Variants in SIPA1L1 observed in about 807,000 individuals in gnomAD.
SIPA1L1 encodes signal-induced proliferation-associated 1-like protein 1.
A neutral mutation model predicts 162.7 loss-of-function variants in SIPA1L1; 26 were observed. That is an observed-to-expected ratio of 0.16 (90% CI 0.12 to 0.22). The LOEUF (loss-of-function observed/expected upper bound fraction) is 0.22, where lower values mean the gene tolerates loss of function less well. Among genes scored for constraint, SIPA1L1 ranks in the 10% least tolerant of loss-of-function variants. The probability of loss-of-function intolerance (pLI) is 1.00; values close to 1 mark genes in which losing one functional copy is unlikely to be tolerated. For synonymous variants in SIPA1L1, 829 were observed against 837.4 expected (o/e 0.99, Z 0.17); for missense variants, 1,874 against 2,241.0 (o/e 0.84, Z 3.31).
At chr14:71,577,933 C>T (rs1296707232) in intron 4 of SIPA1L1, among the ~76,000 whole-genome samples, 1 of 151,716 alleles carries the variant, frequency 6.6e-6, no homozygotes. Context: ...TTCTCCGATA[C>T]AGAGTCTTGC....
intron 5 of SIPA1L1, among the ~76,000 whole-genome samples, chr14:71,607,178 A>G (rs1316838704): frequency 6.6e-6 from 1 of 151,746 alleles, no homozygotes; most frequent in Non-Finnish European, 1.5e-5. Flanking sequence ...GGGAGGTGAC[A>G]GGAAGGTGAG....
chr14:71,538,000 A>G (rs1251673287), intron 4 of SIPA1L1, among the ~76,000 whole-genome samples: 1 of 152,162 alleles, frequency 6.6e-6, no homozygotes, highest in Non-Finnish European at 1.5e-5. Context: ...ATAGTCAGTT[A>G]AGAGTTTGAC....
chr14:71,530,613 A>T (rs1033846512), intron 4 of SIPA1L1, among the ~76,000 whole-genome samples: 3 of 152,210 alleles, frequency 2.0e-5, no homozygotes, highest in African/African-American at 7.2e-5. Context: ...GATTAGCAGA[A>T]AAACAAAATC....
At chr14:71,723,565 C>T (rs2083941857) in intron 17 of SIPA1L1, 82 bp from the exon 18 acceptor site, 1 of 1,505,666 alleles carries the variant, frequency 6.6e-7, no homozygotes, top group Non-Finnish European at 9.2e-7. Context: ...TCAACCCAGC[C>T]ATCACCCGTA....
At chr14:71,650,301 AT>A in intron 7 of SIPA1L1, 33 bp from the exon 8 acceptor site, 1 of 1,611,764 alleles carries the variant, frequency 6.2e-7, no homozygotes, top group Non-Finnish European at 8.5e-7. Context: ...GGATCTGCCT[AT>A]ATTTATATGC....
chr14:71,731,656 G>A (rs1258599146), intron 20 of SIPA1L1, among the ~76,000 whole-genome samples: 1 of 152,202 alleles, frequency 6.6e-6, no homozygotes, highest in Non-Finnish European at 1.5e-5. Context: ...TCATATCAGA[G>A]TAGGCCCTGA....
At chr14:71,498,274 A>AT (rs1394176715) in intron 2 of SIPA1L1, among the ~76,000 whole-genome samples, 1 of 152,226 alleles carries the variant, frequency 6.6e-6, no homozygotes, top group Non-Finnish European at 1.5e-5. Context: ...TGGGTTTGAA[A>AT]TTACAGGGAA....
Position 71,627,131 on chromosome 14 carries a change from C to CTTTTTTTTTTTT in SIPA1L1, c.1818+2927_1818+2938dup, listed in dbSNP as rs71105788. 4.5e-4 allele frequency among the ~76,000 whole-genome samples: 22 copies of CTTTTTTTTTTTT among 48,786 alleles called. 1 individual carries two copies. Among genetic ancestry groups the CTTTTTTTTTTTT allele is most frequent in the African/African-American group, 7.4e-4 (9 of 12,126 alleles). The allele number at this position is 48,786 out of a possible 152,430, so 32.0% of individuals were successfully genotyped here. ...TGATGCCTTTCTGGGACTTTCACTA[C>CTTTTTTTTTTTT]TTTTTTTTTTTTTTTTTTTTTTTTT... On this transcript the variant is annotated intron_variant, in intron 7 of 23. Coordinates refer to ENST00000381232, the MANE Select transcript of SIPA1L1 (RefSeq NM_001386936.1).
chr14:71,552,168 G>A (rs543275078), intron 4 of SIPA1L1, among the ~76,000 whole-genome samples: 1 of 152,058 alleles, frequency 6.6e-6, no homozygotes, highest in Admixed American at 6.6e-5. Flanking sequence ...ATTATTAATT[G>A]TAGTAAAGAA....
At chr14:71,526,459 C>T (rs756254836) in intron 3 of SIPA1L1, among the ~76,000 whole-genome samples, 5 of 152,144 alleles carry the variant, frequency 3.3e-5, no homozygotes, top group Admixed American at 6.6e-5. Flanking sequence ...TTTCATGTGT[C>T]TGGCATCTTT....
At chr14:71,388,472 AG>A (rs921808694) in intron 2 of SIPA1L1, among the ~76,000 whole-genome samples, 18 of 152,362 alleles carry the variant, frequency 1.2e-4, no homozygotes, top group Admixed American at 1.2e-3. Context: ...TTCTTTTCAT[AG>A]CCTGGGGAAA....
intron 2 of SIPA1L1, among the ~76,000 whole-genome samples, chr14:71,340,691 G>T (rs535682443): frequency 6.6e-6 from 1 of 152,094 alleles, no homozygotes; most frequent in South Asian, 2.1e-4. Flanking sequence ...TCTTCCTATT[G>T]TAGGCTTTAC....
intron 6 of SIPA1L1, among the ~76,000 whole-genome samples, chr14:71,622,150 A>G (rs1213817861): frequency 6.6e-6 from 1 of 152,206 alleles, no homozygotes; most frequent in African/African-American, 2.4e-5. Flanking sequence ...TGACAGTGAC[A>G]CTCTAGTGGC....
chr14:71,504,264 A>G (rs967953162), intron 2 of SIPA1L1, among the ~76,000 whole-genome samples: 1 of 152,128 alleles, frequency 6.6e-6, no homozygotes, highest in African/African-American at 2.4e-5. Flanking sequence ...CGTTACTCAC[A>G]TGGAGTGCTG....
At chr14:71,517,299 T>C (rs1209788702) in intron 3 of SIPA1L1, among the ~76,000 whole-genome samples, 6 of 152,178 alleles carry the variant, frequency 3.9e-5, no homozygotes, top group African/African-American at 4.8e-5. Flanking sequence ...AAGCTTGTAA[T>C]GTAATTAAAA....
intron 2 of SIPA1L1, among the ~76,000 whole-genome samples, chr14:71,397,312 A>G (rs941095195): frequency 6.6e-6 from 1 of 152,156 alleles, no homozygotes; most frequent in Non-Finnish European, 1.5e-5. Context: ...AGTCTCCCTT[A>G]CATTCATTTC....
At chr14:71,534,108 G>A (rs1322366954) in intron 4 of SIPA1L1, among the ~76,000 whole-genome samples, 1 of 151,778 alleles carries the variant, frequency 6.6e-6, no homozygotes, top group Non-Finnish European at 1.5e-5. Flanking sequence ...TAAGAAAAGA[G>A]TGCTAGTTCT....
chr14:71,459,478 G>A (rs999857314), intron 2 of SIPA1L1, among the ~76,000 whole-genome samples: 2 of 151,904 alleles, frequency 1.3e-5, no homozygotes, highest in Non-Finnish European at 2.9e-5. Flanking sequence ...GAGAGAGAGA[G>A]AGGAGTTTAT....
At chr14:71,630,234 A>G (rs1402151091) in intron 7 of SIPA1L1, among the ~76,000 whole-genome samples, 5 of 152,222 alleles carry the variant, frequency 3.3e-5, no homozygotes, top group Non-Finnish European at 7.3e-5. Context: ...GATATCCACC[A>G]TGGCCATCTA....
Sources: gnomAD v4.1 joint callset for allele counts (sites outside exome capture counted in the v4.1 genomes callset) on GRCh38, gnomAD v4.1.1 for gene constraint, MANE v1.5 for transcripts, NCBI Gene and HGNC (gene_info 2026-07-23, HGNC 2026-07-21) for gene names.